Variants in SLIT3 observed in about 807,000 individuals in gnomAD.
SLIT3 encodes the protein slit homolog 3 protein.
Under a neutral mutation model 184.0 loss-of-function variants are expected in SLIT3, and 68 were observed. The ratio of observed to expected loss-of-function variants is 0.37; its 90% confidence interval spans 0.30 to 0.45. The LOEUF is 0.45. Ranked by LOEUF, SLIT3 falls within the 20% of genes least tolerant of loss-of-function variation. The pLI is 1.00. For synonymous variants in SLIT3, 831 were observed against 828.6 expected (o/e 1.00, Z -0.05); for missense variants, 1,707 against 2,026.0 (o/e 0.84, Z 3.02).
At chr5:168,986,904 C>T (rs62378606) in intron 4 of SLIT3, among the ~76,000 whole-genome samples, 6,185 of 152,242 alleles carry the variant, frequency 0.041, 163 homozygotes, top group Non-Finnish European at 0.057. Flanking sequence ...AATATTTAGC[C>T]GGGCGTGGTG....
intron 4 of SLIT3, among the ~76,000 whole-genome samples, chr5:169,044,915 C>T (rs1345962563): frequency 6.6e-6 from 1 of 152,146 alleles, no homozygotes; most frequent in African/African-American, 2.4e-5. Context: ...TGATCATCAA[C>T]AACAGTGTAA....
intron 4 of SLIT3, among the ~76,000 whole-genome samples, chr5:169,174,687 C>T (rs560895246): frequency 3.9e-5 from 6 of 152,088 alleles, no homozygotes; most frequent in Non-Finnish European, 7.4e-5. Context: ...CTACTGAAGG[C>T]CAACTCATCT....
At chr5:168,897,646 G>GCGCGCACACACACACACA in intron 4 of SLIT3, among the ~76,000 whole-genome samples, 59 of 105,442 alleles carry the variant, frequency 5.6e-4, no homozygotes, top group African/African-American at 2.4e-3. Flanking sequence ...ACAGGTGCAC[G>GCGCGCACACACACACACA]TACACACACA....
At chr5:169,230,771 T>C (rs1285925018) in intron 3 of SLIT3, among the ~76,000 whole-genome samples, 4 of 152,226 alleles carry the variant, frequency 2.6e-5, no homozygotes, top group Non-Finnish European at 5.9e-5. Flanking sequence ...CAGTCCTGGA[T>C]TCAAATCTCA....
intron 4 of SLIT3, among the ~76,000 whole-genome samples, chr5:168,885,352 C>T (rs1760152460): frequency 6.6e-6 from 1 of 152,168 alleles, no homozygotes; most frequent in South Asian, 2.1e-4. Context: ...CTCCCCCAGC[C>T]AGGCCTGATT....
chr5:169,011,568 C>T (rs943132201), intron 4 of SLIT3, among the ~76,000 whole-genome samples: 2 of 152,078 alleles, frequency 1.3e-5, no homozygotes, highest in African/African-American at 4.8e-5. Flanking sequence ...CTTGTAGACC[C>T]CCGAGGAGGA....
At chr5:168,771,595 G>T (rs1375206799) in intron 14 of SLIT3, among the ~76,000 whole-genome samples, 1 of 152,148 alleles carries the variant, frequency 6.6e-6, no homozygotes, top group Admixed American at 6.5e-5. Flanking sequence ...GTGAAAGATG[G>T]CTGTTGTAAC....
chr5:168,775,487 C>G (rs1026432402), intron 12 of SLIT3, among the ~76,000 whole-genome samples: 3 of 152,120 alleles, frequency 2.0e-5, no homozygotes, highest in Admixed American at 2.0e-4. Context: ...CCCTGACCCC[C>G]TCATCTACAA....
intron 4 of SLIT3, among the ~76,000 whole-genome samples, chr5:169,045,136 G>A (rs949432433): frequency 1.1e-4 from 16 of 152,194 alleles, no homozygotes; most frequent in African/African-American, 3.9e-4. Flanking sequence ...CAGACCACTT[G>A]TGACAGCAAC....
At chr5:168,680,183 T>G (rs542778988) in intron 32 of SLIT3, among the ~76,000 whole-genome samples, 114 of 152,352 alleles carry the variant, frequency 7.5e-4, no homozygotes, top group African/African-American at 2.6e-3. Context: ...TCCAGCCCAT[T>G]TTCCCCATGT....
At chr5:168,989,749 C>T (rs575558643) in intron 4 of SLIT3, among the ~76,000 whole-genome samples, 3 of 152,220 alleles carry the variant, frequency 2.0e-5, no homozygotes, top group South Asian at 4.1e-4. Flanking sequence ...GAACAAGAAA[C>T]GTAGAAAATC....
At chr5:169,099,722 T>C (rs893469381) in intron 4 of SLIT3, among the ~76,000 whole-genome samples, 1 of 152,126 alleles carries the variant, frequency 6.6e-6, no homozygotes, top group East Asian at 1.9e-4. Context: ...ATGACCTCAA[T>C]GTATGCTCAT....
chr5:168,713,756 CTGAG>C (rs1561888738), intron 23 of SLIT3, among the ~76,000 whole-genome samples: 2 of 152,348 alleles, frequency 1.3e-5, no homozygotes. Context: ...GGCTCTCACA[CTGAG>C]TGAGCTTTGG....
chr5:169,164,212 C>G (rs1561708083), intron 4 of SLIT3, among the ~76,000 whole-genome samples: 1 of 152,164 alleles, frequency 6.6e-6, no homozygotes, highest in Non-Finnish European at 1.5e-5. Flanking sequence ...TAAGTACCAT[C>G]CTCGGACTCC....
At chr5:168,918,888 A>G (rs906192773) in intron 4 of SLIT3, among the ~76,000 whole-genome samples, 4 of 152,214 alleles carry the variant, frequency 2.6e-5, no homozygotes, top group Admixed American at 1.3e-4. Context: ...AATCCTCACC[A>G]TATATAACCA....
intron 25 of SLIT3, 41 bp from the exon 26 acceptor site, chr5:168,708,141 G>A (rs762344362): frequency 2.5e-6 from 4 of 1,613,932 alleles, no homozygotes; most frequent in East Asian, 2.2e-5. Context: ...GGTCCTGAGT[G>A]CGCTCACTGC....
chr5:169,265,265 C>T (rs1199057693), intron 1 of SLIT3, among the ~76,000 whole-genome samples: 1 of 152,186 alleles, frequency 6.6e-6, no homozygotes, highest in African/African-American at 2.4e-5. Context: ...GCCTGCAGAC[C>T]TGCGTAGTCT....
chr5:169,270,756 G>A (rs1252456054), intron 1 of SLIT3, among the ~76,000 whole-genome samples: 1 of 152,218 alleles, frequency 6.6e-6, no homozygotes, highest in Admixed American at 6.5e-5. Flanking sequence ...ATGGTTAAAA[G>A]TGTGGGTTCT....
chr5:168,758,601 T>G (rs929247517), intron 16 of SLIT3, among the ~76,000 whole-genome samples: 1 of 152,176 alleles, frequency 6.6e-6, no homozygotes, highest in Non-Finnish European at 1.5e-5. Flanking sequence ...AGTGTGCCCT[T>G]CTCTCAGCTG....
Sources: allele counts gnomAD v4.1 joint callset (sites outside exome capture counted in the v4.1 genomes callset), GRCh38; gene constraint gnomAD v4.1.1; transcripts MANE v1.5; gene names NCBI Gene and HGNC (gene_info 2026-07-23, HGNC 2026-07-21).